The following HTR4 variants were observed in gnomAD, a reference collection of about 807,000 sequenced individuals.
HTR4 encodes the protein 5-hydroxytryptamine (serotonin) receptor 4, G protein-coupled.
A neutral mutation model predicts 36.8 loss-of-function variants in HTR4; 16 were observed. The observed-to-expected ratio is 0.43, with a 90% CI of 0.29 to 0.66. The LOEUF (loss-of-function observed/expected upper bound fraction) is 0.66. Among genes scored for constraint, HTR4 ranks in the 30% least tolerant of loss-of-function variants. The pLI is 0.13. For missense variants in HTR4, 438 were observed against 490.9 expected, an observed-to-expected ratio of 0.89 and a Z score of 1.02; for synonymous variants, 189 against 185.1, an observed-to-expected ratio of 1.02 and a Z score of -0.17.
intron 1 of HTR4, among the ~76,000 whole-genome samples, chr5:148,649,171 A>G (rs1473820448): frequency 6.6e-6 from 1 of 152,184 alleles, no homozygotes; most frequent in Non-Finnish European, 1.5e-5. Flanking sequence ...ACATATGATA[A>G]ATATTCAATA....
At chr5:148,548,078 G>T (rs1330272075) in intron 4 of HTR4, among the ~76,000 whole-genome samples, 1 of 152,148 alleles carries the variant, frequency 6.6e-6, no homozygotes, top group East Asian at 1.9e-4. Flanking sequence ...GTCCCCTGAA[G>T]TCAAATATGA....
At position 148,509,869 on chromosome 5, in the gene HTR4, C is replaced by T. The variant is rs200194024; in HGVS notation, c.663G>A (p.Glu221=). ...GTAACATCTGGATCTGATGGGCATG[C>T]TCCTTAGCTGTGACATAGATGCGGT... The part of the protein sequence containing the change: ...AYYRIYVTAK[E]HAHQIQMLQR... The change falls in exon 6 of 7, where the codon GAG becomes GAA. Residue 221 remains glutamate, a synonymous_variant. Coordinates refer to ENST00000377888, the MANE Select transcript of HTR4 (RefSeq NM_000870.7). 6.2e-7 allele frequency: 1 copy of T among 1,613,948 alleles called. No individual in the cohort carries two copies. The highest frequency in any genetic ancestry group is 8.5e-7 in the Non-Finnish European group (1 of 1,180,000).
At chr5:148,528,788 G>A (rs1464059102) in intron 4 of HTR4, among the ~76,000 whole-genome samples, 2 of 152,038 alleles carry the variant, frequency 1.3e-5, no homozygotes, top group African/African-American at 2.4e-5. Flanking sequence ...CCACTAGACA[G>A]AATTAGCTAA....
intron 6 of HTR4, among the ~76,000 whole-genome samples, chr5:148,494,367 T>A (rs533007971): frequency 7.9e-5 from 12 of 152,248 alleles, no homozygotes; most frequent in African/African-American, 2.6e-4. Flanking sequence ...CAACAAAAAA[T>A]ATATGGTAAG....
chr5:148,521,497 T>C (rs527941464), intron 5 of HTR4, among the ~76,000 whole-genome samples: 6 of 151,798 alleles, frequency 4.0e-5, no homozygotes, highest in Non-Finnish European at 7.4e-5. Context: ...AAACATTGAC[T>C]CTCCTGGGCT....
At chr5:148,472,858 T>C (rs1755604690), downstream of HTR4, among the ~76,000 whole-genome samples, 1 of 152,362 alleles carries the variant, frequency 6.6e-6, no homozygotes, top group African/African-American at 2.4e-5. Context: ...AACTGGGCAC[T>C]ACTACATAAA....
chr5:148,638,047 A>G (rs946151223), intron 1 of HTR4, among the ~76,000 whole-genome samples: 2 of 148,540 alleles, frequency 1.3e-5, no homozygotes, highest in South Asian at 4.3e-4. Flanking sequence ...GAAATCTGTT[A>G]TCTACATAAA....
chr5:148,479,505 T>C (rs1025953420), downstream of HTR4, among the ~76,000 whole-genome samples: 1 of 152,232 alleles, frequency 6.6e-6, no homozygotes, highest in Non-Finnish European at 1.5e-5. Context: ...CATATAAACA[T>C]ATGTATAATT....
intron 4 of HTR4, among the ~76,000 whole-genome samples, chr5:148,528,883 A>G (rs1396529904): frequency 6.6e-6 from 1 of 151,858 alleles, no homozygotes; most frequent in Non-Finnish European, 1.5e-5. Context: ...TTTACTGACC[A>G]AGGGCTCTGC....
At chr5:148,468,903 T>C (rs1581343980) in intron 5 of HTR4, among the ~76,000 whole-genome samples, 1 of 151,984 alleles carries the variant, frequency 6.6e-6, no homozygotes, top group African/African-American at 2.4e-5. Context: ...ATAAGAGACT[T>C]TTTCCCCTTT....
At chr5:148,625,988 CCCCTCTTA>C (rs900008354) in intron 2 of HTR4, among the ~76,000 whole-genome samples, 2 of 151,672 alleles carry the variant, frequency 1.3e-5, no homozygotes, top group Non-Finnish European at 2.9e-5. Context: ...ATAGCCTATT[CCCCTCTTA>C]CTAGTGTAGA....
At position 148,458,379 on chromosome 5, in the gene HTR4, G is replaced by T. The variant is rs547946691; in HGVS notation, c.1077-7107C>A. On this transcript the variant is annotated intron_variant, in intron 5 of 5. Coordinates refer to the HTR4 transcript ENST00000521530. ...TTTTTTTTTTTGATTGCTTACAACA[G>T]TCCAGGCACAGTGCCATGCCTTGGA... 2.0e-5 allele frequency among the ~76,000 whole-genome samples: 3 copies of T among 151,816 alleles called. No individual in the cohort carries two copies. The East Asian group carries it at 5.8e-4, about 29-fold the overall frequency.
At chr5:148,539,748 AG>A (rs748498138) in intron 4 of HTR4, among the ~76,000 whole-genome samples, 1 of 152,176 alleles carries the variant, frequency 6.6e-6, no homozygotes, top group Non-Finnish European at 1.5e-5. Flanking sequence ...TGAGGAAAAA[AG>A]GGAACATTTA....
chr5:148,503,038 G>A (rs540891881), intron 6 of HTR4, among the ~76,000 whole-genome samples: 2 of 152,262 alleles, frequency 1.3e-5, no homozygotes, highest in East Asian at 1.9e-4. Context: ...AAAGTGACGG[G>A]GAGAATGGAA....
intron 6 of HTR4, among the ~76,000 whole-genome samples, chr5:148,501,068 T>C (rs1002932467): frequency 2.0e-5 from 3 of 151,168 alleles, no homozygotes; most frequent in Non-Finnish European, 4.4e-5. Flanking sequence ...ACAGTACAGT[T>C]TGCAATGACA....
intron 6 of HTR4, among the ~76,000 whole-genome samples, chr5:148,489,380 A>G (rs149710133): frequency 9.6e-4 from 146 of 152,280 alleles, no homozygotes; most frequent in African/African-American, 3.2e-3. Context: ...TTGCACCTTC[A>G]TGGAACAGGC....
At chr5:148,457,890 ATAT>A (rs1294592076) in intron 5 of HTR4, among the ~76,000 whole-genome samples, 1 of 129,326 alleles carries the variant, frequency 7.7e-6, no homozygotes, top group Non-Finnish European at 1.5e-5. Flanking sequence ...ATATTAAAAT[ATAT>A]TATATTTTAA....
intron 6 of HTR4, among the ~76,000 whole-genome samples, chr5:148,487,127 G>A (rs1756200719): frequency 6.6e-6 from 1 of 152,094 alleles, no homozygotes; most frequent in Admixed American, 6.5e-5. Flanking sequence ...AATCTTCAAT[G>A]CAAATCTGTA....
chr5:148,518,221 T>G (rs1757851867), intron 5 of HTR4, among the ~76,000 whole-genome samples: 1 of 152,104 alleles, frequency 6.6e-6, no homozygotes, highest in South Asian at 2.1e-4. Flanking sequence ...ACATCCTAGA[T>G]ATCTGCTTAT....
Sources: gnomAD v4.1 joint callset for allele counts (sites outside exome capture counted in the v4.1 genomes callset) on GRCh38, gnomAD v4.1.1 for gene constraint, MANE v1.5 for transcripts, NCBI Gene and HGNC (gene_info 2026-07-23, HGNC 2026-07-21) for gene names.